Variants in CD34 observed in about 807,000 individuals in gnomAD.
CD34 encodes the protein hematopoietic progenitor cell antigen CD34.
In CD34, 34 loss-of-function variants were observed where a neutral mutation model predicts 40.1. The ratio of observed to expected loss-of-function variants is 0.85; its 90% CI spans 0.65 to 1.13. The LOEUF is 1.13. Among genes scored for constraint, CD34 ranks in the 50% most tolerant of loss-of-function variants. The pLI is 0.00. For missense variants in CD34, 426 were observed against 466.9 expected, an observed-to-expected ratio of 0.91 and a Z score of 0.81; for synonymous variants, 209 against 190.0, an observed-to-expected ratio of 1.10 and a Z score of -0.82.
chr1:207,902,569 C>T (rs745768473), intron 1 of CD34, among the ~76,000 whole-genome samples: 1 of 152,182 alleles, frequency 6.6e-6, no homozygotes, highest in Non-Finnish European at 1.5e-5. Flanking sequence ...GACACCATTC[C>T]AAGACTCCTC....
chr1:207,897,621 A>G, intron 3 of CD34, 48 bp from the exon 4 acceptor site: 2 of 1,393,502 alleles, frequency 1.4e-6, no homozygotes, highest in Non-Finnish European at 2.0e-6. Flanking sequence ...ATAAGCCAGT[A>G]TCTTTGCTCC....
Position 207,899,976 on chromosome 1 carries a change from T to C in CD34, c.107A>G (p.Asn36Ser), listed in dbSNP as rs1461664189. ...AGGTAACTCTGGGGTAGCAGTACCGTTGTTGTCAAGACTCATGAACCCAGA... is the reference window on the plus strand; with the variant it reads ...AGGTAACTCTGGGGTAGCAGTACCGCTGTTGTCAAGACTCATGAACCCAGA... Reference protein sequence around the residue: ...LPSGFMSLDNNGTATPELPTQ... With the variant: ...LPSGFMSLDNSGTATPELPTQ... The change falls in exon 2 of 8, where the codon AAC becomes AGC. Residue 36 changes from asparagine (N) to serine (S), a missense_variant. Transcript: ENST00000310833. 1 of 1,612,606 alleles carries C rather than the reference T, an allele frequency of 6.2e-7. No individual in the cohort carries two copies.
At chr1:207,905,730 C>T (rs1286991491) in intron 1 of CD34, among the ~76,000 whole-genome samples, 1 of 152,210 alleles carries the variant, frequency 6.6e-6, no homozygotes, top group Non-Finnish European at 1.5e-5. Context: ...AGATTCCACA[C>T]CTGACCTCAT....
At position 207,885,155 on chromosome 1, in the gene CD34, A is replaced by T. The variant is rs1436284285; in HGVS notation, c.*2583T>A. 1 of 152,242 alleles carries T rather than the reference A, an allele frequency of 6.6e-6. No individual in the cohort carries two copies. The allele number at this position is 152,242 out of a possible 1,614,324, so 9.4% of individuals were successfully genotyped here. A position where few individuals can be genotyped will look rare whatever the true frequency, so the allele number is the denominator to read the frequency against. ...TTATATGAGCTTTGTGTACAAGAGA[A>T]ATTGGACTAGAGGGTGGGGCAGCCA... is the stretch of plus-strand genomic sequence containing the variant. On this transcript the variant is annotated 3_prime_UTR_variant, in exon 8 of 8. Coordinates refer to ENST00000310833, the MANE Select transcript of CD34 (RefSeq NM_001025109.2).
chr1:207,889,176 T>C lies in CD34; in HGVS notation c.792A>G (p.Gln264=), dbSNP rs1661975268. The change falls in exon 6 of 8, where the codon CAA becomes CAG. Residue 264 remains glutamine, a synonymous_variant. Coordinates refer to ENST00000310833, the MANE Select transcript of CD34 (RefSeq NM_001025109.2). ...GAGGACTTACCTTTTTCAGGTCAGATTGGTGCTTTTTCATAAGTTGGAGTT... is the reference window on the plus strand; with the variant it reads ...GAGGACTTACCTTTTTCAGGTCAGACTGGTGCTTTTTCATAAGTTGGAGTT... ...SSKLQLMKKH[Q]SDLKKLGILD... is the part of the protein sequence containing the mutation. The C allele has an allele frequency of 6.3e-7, 1 of 1,594,484 alleles. No individual in the cohort carries two copies. The highest frequency in any genetic ancestry group is 1.1e-5 in the South Asian group (1 of 90,672).
chr1:207,889,645 G>A (rs1661988109), intron 4 of CD34, 24 bp from the exon 5 acceptor site: 5 of 1,612,432 alleles, frequency 3.1e-6, no homozygotes, highest in Middle Eastern at 1.7e-4. Flanking sequence ...GAAACATGGA[G>A]AGCAAGAGAT....
Position 207,887,434 on chromosome 1 carries a change from G to T in CD34, c.*304C>A. The T allele has an allele frequency of 3.1e-6, 1 of 326,062 alleles. No individual in the cohort carries two copies. The highest frequency in any genetic ancestry group is 5.6e-6 in the Non-Finnish European group (1 of 178,070). The allele number at this position is 326,062 out of a possible 1,614,324, so 20.2% of individuals were successfully genotyped here. Reference sequence around the variant, plus strand: ...AGAGAGGAGGGGGTAGGGGAAGGGGGTCCTGTGTGAGTGCTGCAAGGCCAT... The same window carrying T: ...AGAGAGGAGGGGGTAGGGGAAGGGGTTCCTGTGTGAGTGCTGCAAGGCCAT... On this transcript the variant is annotated 3_prime_UTR_variant, in exon 8 of 8. Coordinates refer to ENST00000310833, the MANE Select transcript of CD34 (RefSeq NM_001025109.2).
intron 4 of CD34, among the ~76,000 whole-genome samples, chr1:207,893,864 A>G (rs889647634): frequency 6.6e-6 from 1 of 152,180 alleles, no homozygotes; most frequent in African/African-American, 2.4e-5. Flanking sequence ...CAAAACCACC[A>G]TGAAATACCA....
At chr1:207,892,131 A>G (rs1442990865) in intron 4 of CD34, among the ~76,000 whole-genome samples, 1 of 143,286 alleles carries the variant, frequency 7.0e-6, no homozygotes, top group Non-Finnish European at 1.6e-5. Context: ...CTCAGTTTCT[A>G]CCTCCTCAAT....
At chr1:207,904,514 A>G (rs779935856) in intron 1 of CD34, among the ~76,000 whole-genome samples, 4 of 152,164 alleles carry the variant, frequency 2.6e-5, no homozygotes, top group Non-Finnish European at 5.9e-5. Context: ...AGTTACTTCA[A>G]CTCTGTAAAC....
chr1:207,892,279 A>G lies in CD34; in HGVS notation c.598-2658T>C, dbSNP rs2102297445. On this transcript the variant is annotated intron_variant, in intron 4 of 7. Coordinates refer to ENST00000310833, the MANE Select transcript of CD34 (RefSeq NM_001025109.2). ...AGGTTGTTGTGGTGACTAAATAGATATTGTATGAAAGTGTCCAGTTGGGTG... is the reference window on the plus strand; with the variant it reads ...AGGTTGTTGTGGTGACTAAATAGATGTTGTATGAAAGTGTCCAGTTGGGTG... Among the ~76,000 whole-genome samples the G allele has an allele frequency of 1.3e-5, 2 of 152,264 alleles. 1 individual carries two copies. Among genetic ancestry groups the G allele is most frequent in the South Asian group, 4.1e-4 (2 of 4,824 alleles).
chr1:207,909,243 GC>G (rs1662450531), intron 1 of CD34, among the ~76,000 whole-genome samples: 2 of 152,128 alleles, frequency 1.3e-5, no homozygotes, highest in East Asian at 1.9e-4. Flanking sequence ...ACCTCGGCAG[GC>G]CAAGGCGAGA....
At chr1:207,910,905 C>T (rs1662498378) in intron 1 of CD34, 97 bp downstream of exon 1, 1 of 1,258,564 alleles carries the variant, frequency 7.9e-7, no homozygotes, top group Non-Finnish European at 1.1e-6. Context: ...GGGGTCCCTT[C>T]CCTCCGTGAG....
At position 207,882,830 on chromosome 1, in the gene CD34, T is replaced by C. The variant is rs1367151381; in HGVS notation, c.*4908A>G. On this transcript the variant is annotated 3_prime_UTR_variant, in exon 8 of 8. Transcript: ENST00000310833. The stretch of plus-strand genomic sequence containing the variant: ...GGATCAGTCCAGACGTCACTTCTCC[T>C]GGGAAGCCTTCCATGGTCTTCCACG... 1 of 152,156 alleles carries C rather than the reference T, an allele frequency of 6.6e-6. No homozygotes were observed. The highest frequency in any genetic ancestry group is 2.4e-5 in the African/African-American group (1 of 41,414). 9.4% of individuals were successfully genotyped at this position (152,156 alleles called of 1,614,324 possible).
chr1:207,894,180 A>C (rs1281218040), intron 4 of CD34, among the ~76,000 whole-genome samples: 2 of 152,260 alleles, frequency 1.3e-5, no homozygotes, highest in Non-Finnish European at 2.9e-5. Context: ...ATGGAGAAGC[A>C]AAACAAGGTT....
chr1:207,896,765 A>G (rs1244278725), intron 4 of CD34, among the ~76,000 whole-genome samples: 1 of 152,166 alleles, frequency 6.6e-6, no homozygotes, highest in African/African-American at 2.4e-5. Context: ...GAAAAAAATA[A>G]TTTACATTTT....
In CD34 at chr1:207,891,313, AG is replaced by A. The variant is rs569422727; in HGVS notation, c.598-1693del. On this transcript the variant is annotated intron_variant, in intron 4 of 7. Coordinates refer to ENST00000310833, the MANE Select transcript of CD34 (RefSeq NM_001025109.2). Reference sequence around the variant, plus strand: ...TGTGTTGTATTCATGTGTCATGTGTAGGGGGGTGGGGATTGGGAGGTATCTA... The same window carrying A: ...TGTGTTGTATTCATGTGTCATGTGTAGGGGGTGGGGATTGGGAGGTATCTA... 1.2e-4 allele frequency among the ~76,000 whole-genome samples: 18 copies of A among 152,228 alleles called. No homozygotes were observed. In the East Asian group the frequency reaches 3.3e-3, roughly 28 times the overall value.
rs1486140326 is a variant in CD34, at chr1:207,884,299, T to C, written c.*3439A>G. 1.3e-5 allele frequency: 2 copies of C among 152,256 alleles called. No homozygotes were observed. Among genetic ancestry groups the C allele is most frequent in the Non-Finnish European group, 2.9e-5 (2 of 68,040 alleles). The allele number at this position is 152,256 out of a possible 1,614,324, so 9.4% of individuals were successfully genotyped here. A position where few individuals can be genotyped will look rare whatever the true frequency, so the allele number is the denominator to read the frequency against. ...TTATTCTCAATATATTTTATGTTTT[T>C]CATAGCTCTCAATCCTGAAAACACA... On this transcript the variant is annotated 3_prime_UTR_variant, in exon 8 of 8. Transcript: ENST00000310833.
rs543352819 is a variant in CD34, at chr1:207,903,139, G to A, written c.80-3136C>T. Among the ~76,000 whole-genome samples the A allele has an allele frequency of 2.0e-5, 3 of 152,344 alleles. No homozygotes were observed. In the South Asian group the frequency reaches 6.2e-4, roughly 32 times the overall value. ...AGCCAATCCTGGCATAAACACTGCGGCACAGCAGGGAGAGTGCATCTTTTA... is the reference window on the plus strand; with the variant it reads ...AGCCAATCCTGGCATAAACACTGCGACACAGCAGGGAGAGTGCATCTTTTA... On this transcript the variant is annotated intron_variant, in intron 1 of 7. Coordinates refer to ENST00000310833, the MANE Select transcript of CD34 (RefSeq NM_001025109.2).
Sources: gnomAD v4.1 joint callset for allele counts (sites outside exome capture counted in the v4.1 genomes callset) on GRCh38, gnomAD v4.1.1 for gene constraint, MANE v1.5 for transcripts, NCBI Gene and HGNC (gene_info 2026-07-23, HGNC 2026-07-21) for gene names.